Variants in DIPK2B observed in about 807,000 individuals in gnomAD.
The protein encoded by DIPK2B is divergent protein kinase domain 2B, also known as UPF0672 protein CXorf36.
In DIPK2B, 15 loss-of-function variants were observed where a neutral mutation model predicts 22.2. The ratio of observed to expected loss-of-function variants is 0.68; its 90% CI spans 0.45 to 1.04. DIPK2B has a LOEUF of 1.04. DIPK2B is among the 50% of genes least tolerant of loss of function. The pLI, the probability that DIPK2B is intolerant of heterozygous loss-of-function variation, is 0.00. For synonymous variants in DIPK2B, 163 were observed against 153.2 expected (o/e 1.06, Z -0.47); for missense variants, 345 against 348.3 (o/e 0.99, Z 0.08).
intron 2 of DIPK2B, among the ~76,000 whole-genome samples, chrX:45,190,993 T>A (rs745386248): frequency 8.9e-6 from 1 of 112,894 alleles, no homozygotes; most frequent in South Asian, 3.6e-4. Flanking sequence ...AATTCCTTCC[T>A]GGCCGGGCGT....
At chrX:45,152,083 C>T (rs1037675689) in intron 4 of DIPK2B, 91 bp from the exon 5 acceptor site, 29 of 856,861 alleles carry the variant, frequency 3.4e-5, no homozygotes, top group African/African-American at 2.2e-4. Flanking sequence ...TGGGGCCGGG[C>T]GCGGTGGCTC....
intron 2 of DIPK2B, among the ~76,000 whole-genome samples, chrX:45,176,003 AC>A (rs1226056500): frequency 9.2e-6 from 1 of 109,046 alleles, no homozygotes; most frequent in Non-Finnish European, 1.9e-5. Context: ...GGGGAGGAGC[AC>A]TTTGTTGGAA....
intron 1 of DIPK2B, among the ~76,000 whole-genome samples, chrX:45,199,483 C>T (rs190157399): frequency 8.1e-5 from 9 of 111,338 alleles, no homozygotes; most frequent in African/African-American, 2.9e-4. Context: ...TCCCTTCAAC[C>T]TCCTCCTCTG....
intron 2 of DIPK2B, among the ~76,000 whole-genome samples, chrX:45,186,718 T>C (rs1215133558): frequency 8.9e-6 from 1 of 112,133 alleles, no homozygotes; most frequent in Non-Finnish European, 1.9e-5. Context: ...AAATTTTCAT[T>C]TTCATTAAAA....
chrX:45,183,885 T>C (rs1182207354), intron 2 of DIPK2B, among the ~76,000 whole-genome samples: 1 of 112,003 alleles, frequency 8.9e-6, no homozygotes, highest in Non-Finnish European at 1.9e-5. Flanking sequence ...AACATTTTTA[T>C]AGAGGACTAA....
intron 2 of DIPK2B, among the ~76,000 whole-genome samples, chrX:45,179,262 C>G (rs943804567): frequency 9.0e-6 from 1 of 110,963 alleles, no homozygotes; most frequent in Non-Finnish European, 1.9e-5. Context: ...GATTTGAGAG[C>G]AATTTAGTTG....
intron 1 of DIPK2B, among the ~76,000 whole-genome samples, chrX:45,194,867 G>GGTGTGGGAAGAGATTTCTTGCC (rs2047230723): frequency 8.9e-6 from 1 of 112,129 alleles, no homozygotes; most frequent in South Asian, 3.7e-4. Context: ...TGGTGGGGGT[G>GGTGTGGGAAGAGATTTCTTGCC]GTGTGGGAAG....
rs778771312 is a variant in DIPK2B, at chrX:45,184,558, T to C, written c.498+7193A>G. On this transcript the variant is annotated intron_variant, in intron 2 of 4. Transcript: ENST00000398000. ...ACCAGGAATAAATATATTTATTCCC[T>C]GCTTAACCCACACAAAAGGTTTATA... Among the ~76,000 whole-genome samples, 11 of 112,126 alleles carry C rather than the reference T, an allele frequency of 9.8e-5. No individual in the cohort carries two copies. The East Asian group carries it at 3.1e-3, about 31-fold the overall frequency.
In DIPK2B at chrX:45,191,874, T is replaced by G; in HGVS notation, c.375A>C (p.Ser125=). Residue 125 remains serine (S), a synonymous_variant, in exon 2 of 5, where the codon TCA becomes TCC. Transcript: ENST00000398000. The part of the protein sequence containing the change: ...RLVSKYQNEI[S]DRRICASASA... ...ATGCAGAGGCACAGATTCTCCTGTC[T>G]GAGATCTCGTTTTGATATTTGCTGA... The G allele has an allele frequency of 8.2e-7, 1 of 1,212,182 alleles. No homozygotes were observed.
In DIPK2B at chrX:45,156,217, C is replaced by T. The variant is rs72628904; in HGVS notation, c.672+1498G>A. Among the ~76,000 whole-genome samples, 437 of 110,337 alleles carry T rather than the reference C, an allele frequency of 4.0e-3. 16 individuals are homozygous for T. In the East Asian group the frequency reaches 0.099, roughly 25 times the overall value. On this transcript the variant is annotated intron_variant, in intron 3 of 4. Coordinates refer to ENST00000398000, the MANE Select transcript of DIPK2B (RefSeq NM_176819.4). ...GAACTCCTGACCTCAGGTGACCCGC[C>T]CACCTCAGCCTCCCAAAGTGTTGGG...
chrX:45,192,937 C>A (rs1296559324), intron 1 of DIPK2B, among the ~76,000 whole-genome samples: 1 of 112,178 alleles, frequency 8.9e-6, no homozygotes, highest in Non-Finnish European at 1.9e-5. Context: ...CGCCACCACG[C>A]CCAGCTAATT....
intron 2 of DIPK2B, 44 bp from the exon 3 acceptor site, chrX:45,157,932 C>G: frequency 6.5e-6 from 6 of 917,857 alleles, no homozygotes; most frequent in Non-Finnish European, 8.4e-6. Flanking sequence ...GGGGGCGGGG[C>G]GCTAAGCTCT....
intron 2 of DIPK2B, among the ~76,000 whole-genome samples, chrX:45,169,198 C>T (rs993950783): frequency 2.7e-5 from 3 of 111,702 alleles, no homozygotes; most frequent in Admixed American, 1.9e-4. Flanking sequence ...CTCATAATTA[C>T]GGTACCCACC....
intron 1 of DIPK2B, among the ~76,000 whole-genome samples, chrX:45,199,239 A>G (rs925782669): frequency 4.4e-5 from 5 of 112,643 alleles, no homozygotes; most frequent in Admixed American, 9.4e-5. Context: ...TTGGTTGAGT[A>G]AGCAAAGATG....
At chrX:45,163,002 T>C (rs1242914371) in intron 2 of DIPK2B, 2 of 713,078 alleles carry the variant, frequency 2.8e-6, no homozygotes, top group Non-Finnish European at 3.3e-6. Flanking sequence ...ATTTTATGTG[T>C]CAACTTGGCT....
rs2046959406 is a variant in DIPK2B, at chrX:45,151,185, C to T, written c.*467G>A. The T allele has an allele frequency of 8.6e-6, 1 of 116,453 alleles. No homozygotes were observed. Among genetic ancestry groups the T allele is most frequent in the African/African-American group, 3.3e-5 (1 of 30,597 alleles). The allele number at this position is 116,453 out of a possible 1,213,427, so 9.6% of individuals were successfully genotyped here. ...AAAGTGGTAGTGGCAGGGAGCCTGT[C>T]CTTCCCCTGCCTTCCCTCCACTCCA... is the stretch of plus-strand genomic sequence containing the variant. On this transcript the variant is annotated 3_prime_UTR_variant, in exon 5 of 5. Coordinates refer to ENST00000398000, the MANE Select transcript of DIPK2B (RefSeq NM_176819.4).
chrX:45,154,278 CCTATCTAT>C (rs57660875), intron 3 of DIPK2B, 80 bp from the exon 4 acceptor site: 9,931 of 593,973 alleles, frequency 0.017, 106 homozygotes, highest in South Asian at 0.045. Flanking sequence ...TATCTATCTC[CCTATCTAT>C]CTATCTATCT....
chrX:45,189,038 G>C (rs1425847871), intron 2 of DIPK2B, among the ~76,000 whole-genome samples: 1 of 111,829 alleles, frequency 8.9e-6, no homozygotes, highest in African/African-American at 3.3e-5. Flanking sequence ...TATGAATAGT[G>C]CTGCTATGAG....
chrX:45,157,661 C>A, intron 3 of DIPK2B, 54 bp downstream of exon 3: 1 of 1,108,336 alleles, frequency 9.0e-7, no homozygotes. Context: ...AGGGAGGCTT[C>A]TGGGAGTCCA....
Sources: allele counts gnomAD v4.1 joint callset (sites outside exome capture counted in the v4.1 genomes callset), GRCh38; gene constraint gnomAD v4.1.1; transcripts MANE v1.5; gene names NCBI Gene and HGNC (gene_info 2026-07-23, HGNC 2026-07-21).